The following ZBTB44 variants were observed in gnomAD, a reference collection of about 807,000 sequenced individuals.
ZBTB44 encodes zinc finger and BTB domain-containing protein 44.
ZBTB44 carries 15 observed loss-of-function variants against 54.0 expected under a neutral mutation model. The observed-to-expected ratio is 0.28, with a 90% CI of 0.19 to 0.43. The LOEUF (loss-of-function observed/expected upper bound fraction) is 0.43, where lower values mean the gene tolerates loss of function less well. ZBTB44 is among the 20% of genes least tolerant of loss of function. The probability of loss-of-function intolerance (pLI) is 1.00; values close to 1 mark genes in which losing one functional copy is unlikely to be tolerated. For missense variants in ZBTB44, 487 were observed against 707.1 expected (o/e 0.69, Z 3.53); for synonymous variants, 230 against 250.1 (o/e 0.92, Z 0.76).
chr11:130,291,055 T>C (rs945001943), intron 1 of ZBTB44, among the ~76,000 whole-genome samples: 2 of 152,168 alleles, frequency 1.3e-5, no homozygotes, highest in African/African-American at 4.8e-5. Context: ...CTTTTTGGAA[T>C]TCCCTCCTCA....
intron 1 of ZBTB44, among the ~76,000 whole-genome samples, chr11:130,312,014 C>G (rs968378503): frequency 1.3e-5 from 2 of 152,042 alleles, no homozygotes; most frequent in African/African-American, 4.8e-5. Context: ...TATCATTCAC[C>G]CCTGCCCCAA....
At chr11:130,276,351 A>G (rs1453354857) in intron 1 of ZBTB44, among the ~76,000 whole-genome samples, 1 of 151,896 alleles carries the variant, frequency 6.6e-6, no homozygotes, top group East Asian at 1.9e-4. Flanking sequence ...TGCTGGGTGA[A>G]GTGTTCCATA....
At chr11:130,240,142 C>T (rs1028846793) in intron 2 of ZBTB44, among the ~76,000 whole-genome samples, 6 of 149,612 alleles carry the variant, frequency 4.0e-5, no homozygotes, top group South Asian at 2.1e-4. Flanking sequence ...CCTGGGTTTA[C>T]GCCATTCTCC....
chr11:130,306,103 T>C (rs1220007817), intron 1 of ZBTB44, among the ~76,000 whole-genome samples: 1 of 151,676 alleles, frequency 6.6e-6, no homozygotes, highest in African/African-American at 2.4e-5. Context: ...AAATTAAAAA[T>C]AATAAATATT....
intron 2 of ZBTB44, among the ~76,000 whole-genome samples, chr11:130,248,819 A>G (rs1937747003): frequency 6.6e-6 from 1 of 151,558 alleles, no homozygotes; most frequent in Admixed American, 6.6e-5. Flanking sequence ...TAACATCATA[A>G]AGGGCTGGGT....
chr11:130,244,623 C>T (rs1227405658), intron 2 of ZBTB44, among the ~76,000 whole-genome samples: 8 of 144,916 alleles, frequency 5.5e-5, no homozygotes, highest in East Asian at 4.1e-4. Context: ...GCCAAGATTG[C>T]GCCACTGCAC....
intron 3 of ZBTB44, 181 bp from the exon 4 acceptor site, chr11:130,238,788 C>T: frequency 6.0e-6 from 4 of 661,844 alleles, no homozygotes; most frequent in South Asian, 3.0e-5. Flanking sequence ...TCCAGAATGC[C>T]TTTTGTTTTT....
intron 1 of ZBTB44, among the ~76,000 whole-genome samples, chr11:130,312,477 G>A (rs1942667118): frequency 3.3e-5 from 5 of 152,178 alleles, no homozygotes; most frequent in Admixed American, 3.3e-4. Flanking sequence ...AGCTAATTAA[G>A]CCTTCCTTTA....
intron 1 of ZBTB44, among the ~76,000 whole-genome samples, chr11:130,313,963 TATA>T (rs772245122): frequency 0.026 from 3,561 of 137,706 alleles, 62 homozygotes; most frequent in South Asian, 0.051. Context: ...TATATATATA[TATA>T]TTTTTTTAAA....
chr11:130,268,047 T>TA (rs1939385931), intron 1 of ZBTB44, among the ~76,000 whole-genome samples: 1 of 141,544 alleles, frequency 7.1e-6, no homozygotes, highest in African/African-American at 2.7e-5. Context: ...CCAGACTGGG[T>TA]GACAGAGTGA....
chr11:130,296,219 T>C, intron 1 of ZBTB44: 2 of 1,294,734 alleles, frequency 1.5e-6, no homozygotes, highest in African/African-American at 1.5e-5. Context: ...GTGTTGATGA[T>C]GATAAAGCTA....
At chr11:130,239,453 C>T in intron 3 of ZBTB44, 1 of 229,336 alleles carries the variant, frequency 4.4e-6, no homozygotes. Context: ...CTGTTTCAAC[C>T]ACTCAACTCT....
At chr11:130,299,856 C>T (rs1277888676) in intron 1 of ZBTB44, among the ~76,000 whole-genome samples, 2 of 152,140 alleles carry the variant, frequency 1.3e-5, no homozygotes, top group African/African-American at 2.4e-5. Flanking sequence ...AGTATTTGTA[C>T]ATTAATATTC....
At chr11:130,235,602 T>C (rs537969678) in intron 5 of ZBTB44, among the ~76,000 whole-genome samples, 71 of 152,222 alleles carry the variant, frequency 4.7e-4, no homozygotes, top group African/African-American at 1.7e-3. Flanking sequence ...TGCACTATGA[T>C]TGTGTCTATG....
Position 130,236,783 on chromosome 11 carries a change from T to C in ZBTB44, c.1568+10A>G. 1 of 1,331,494 alleles carries C rather than the reference T, an allele frequency of 7.5e-7. No homozygotes were observed. Among genetic ancestry groups the C allele is most frequent in the East Asian group, 3.0e-5 (1 of 33,532 alleles). The allele number at this position is 1,331,494 out of a possible 1,614,324, so 82.5% of individuals were successfully genotyped here. A position where few individuals can be genotyped will look rare whatever the true frequency, so the allele number is the denominator to read the frequency against. ...AGTTTTCCTGGTTGGGTTTTCGTTG[T>C]GCACCTCACCTGCTCTGGAAGTAGT... On this transcript the variant is annotated intron_variant, in intron 5 of 7. Coordinates refer to ENST00000357899, the MANE Select transcript of ZBTB44 (RefSeq NM_001301098.2).
At chr11:130,274,978 T>A (rs1939953475) in intron 1 of ZBTB44, among the ~76,000 whole-genome samples, 1 of 152,264 alleles carries the variant, frequency 6.6e-6, no homozygotes, top group African/African-American at 2.4e-5. Context: ...TGTAAAGCTA[T>A]CTGAGCCTGG....
Position 130,314,845 on chromosome 11 carries a change from C to CGGGCCGGCGCCGCCGCGCGCGTGCG in ZBTB44, c.-528_-527insCGCACGCGCGCGGCGGCGCCGGCCC, listed in dbSNP as rs576380131. 3 of 138,692 alleles carry CGGGCCGGCGCCGCCGCGCGCGTGCG rather than the reference C, an allele frequency of 2.2e-5. No homozygotes were observed. Among genetic ancestry groups the CGGGCCGGCGCCGCCGCGCGCGTGCG allele is most frequent in the Non-Finnish European group, 3.1e-5 (2 of 65,052 alleles). 8.6% of individuals were successfully genotyped at this position (138,692 alleles called of 1,614,324 possible). ...GGAGGGAGCCGCCGCCGCGCGCGTG[C>CGGGCCGGCGCCGCCGCGCGCGTGCG]GGCCGGCGCCGCCGCCGTTGCCGCT... On this transcript the variant is annotated 5_prime_UTR_variant, in exon 1 of 8. Transcript: ENST00000357899.
intron 2 of ZBTB44, among the ~76,000 whole-genome samples, chr11:130,251,428 T>C (rs539711397): frequency 9.9e-4 from 151 of 152,176 alleles, no homozygotes; most frequent in African/African-American, 3.2e-3. Flanking sequence ...AACATTCAAA[T>C]TCAGGAAATA....
intron 1 of ZBTB44, among the ~76,000 whole-genome samples, chr11:130,266,659 A>G (rs994117818): frequency 4.7e-4 from 71 of 152,224 alleles, no homozygotes; most frequent in African/African-American, 1.7e-3. Flanking sequence ...TCCAGCCTTC[A>G]TGGATGACTT....
Sources: allele counts gnomAD v4.1 joint callset (sites outside exome capture counted in the v4.1 genomes callset), GRCh38; gene constraint gnomAD v4.1.1; transcripts MANE v1.5; gene names NCBI Gene and HGNC (gene_info 2026-07-23, HGNC 2026-07-21).